The following ERBIN variants were observed in gnomAD, a reference collection of about 807,000 sequenced individuals.
ERBIN encodes the protein erbb2 interacting protein.
Under a neutral mutation model 158.4 loss-of-function variants are expected in ERBIN, and 60 were observed. That is an observed-to-expected ratio of 0.38 (90% confidence interval 0.31 to 0.47). ERBIN has a LOEUF of 0.47. Among genes scored for constraint, ERBIN ranks in the 20% least tolerant of loss-of-function variants. ERBIN has a pLI of 0.99. For synonymous variants in ERBIN, 594 were observed against 557.2 expected (o/e 1.07, Z -0.93); for missense variants, 1,610 against 1,648.0 (o/e 0.98, Z 0.40).
At chr5:66,047,760 T>C (rs961414813) in intron 18 of ERBIN, among the ~76,000 whole-genome samples, 5 of 152,134 alleles carry the variant, frequency 3.3e-5, no homozygotes, top group Admixed American at 1.3e-4. Flanking sequence ...TATCACTCAA[T>C]ACGCTATGGT....
Position 66,025,872 on chromosome 5 carries a change from T to A in ERBIN, c.915T>A (p.Asp305Glu). The A allele has an allele frequency of 7.7e-6, 12 of 1,555,532 alleles. No homozygotes were observed. The highest frequency in any genetic ancestry group is 1.0e-5 in the Non-Finnish European group (12 of 1,144,510). Residue 305 changes from aspartate to glutamate, a missense_variant, in exon 12 of 26, where the codon GAT becomes GAA. Physicochemically the swap from Asp to Glu is conservative, Grantham distance 45 (BLOSUM62 2). Coordinates refer to ENST00000284037, the MANE Select transcript of ERBIN (RefSeq NM_001253697.2). Reference sequence around the variant, plus strand: ...GGTTAATATCAGTAGAAGAACTGGATTGTAGTTTCAATGAAGTTGAAGCTT... The same window carrying A: ...GGTTAATATCAGTAGAAGAACTGGAATGTAGTTTCAATGAAGTTGAAGCTT... The part of the protein sequence containing the change: ...IGGLISVEEL[D>E]CSFNEVEALP...
chr5:65,948,222 C>A (rs1746036865), intron 1 of ERBIN, among the ~76,000 whole-genome samples: 1 of 151,814 alleles, frequency 6.6e-6, no homozygotes, highest in Non-Finnish European at 1.5e-5. Flanking sequence ...TGCTCTGTGT[C>A]CCAGGCTGGA....
At chr5:65,954,150 A>G (rs183460320) in intron 1 of ERBIN, among the ~76,000 whole-genome samples, 107 of 152,240 alleles carry the variant, frequency 7.0e-4, no homozygotes, top group African/African-American at 2.6e-3. Flanking sequence ...TTGAGACGAT[A>G]TATTAAAAGC....
rs1299114224 is a variant in ERBIN, at chr5:66,079,212, A to G, written c.*682A>G. ...GTCTTTTTTATAAAGCAAAAAAGAC[A>G]ATAATTGCATTTATGAGCTCGGCAG... On this transcript the variant is annotated 3_prime_UTR_variant, in exon 26 of 26. Coordinates refer to ENST00000284037, the MANE Select transcript of ERBIN (RefSeq NM_001253697.2). The G allele has an allele frequency of 6.5e-6, 1 of 152,680 alleles. No homozygotes were observed. The highest frequency in any genetic ancestry group is 2.4e-5 in the African/African-American group (1 of 41,470). 9.5% of individuals were successfully genotyped at this position (152,680 alleles called of 1,614,324 possible). A position where few individuals can be genotyped will look rare whatever the true frequency, so the allele number is the denominator to read the frequency against.
chr5:66,027,963 T>C (rs1756456471), intron 13 of ERBIN, among the ~76,000 whole-genome samples: 1 of 152,108 alleles, frequency 6.6e-6, no homozygotes, highest in Non-Finnish European at 1.5e-5. Flanking sequence ...CATTCCTTAA[T>C]GTGTTCTTTT....
At chr5:66,051,949 A>G (rs1308901708) in intron 20 of ERBIN, among the ~76,000 whole-genome samples, 1 of 151,718 alleles carries the variant, frequency 6.6e-6, no homozygotes, top group Non-Finnish European at 1.5e-5. Flanking sequence ...GAATGCCTGT[A>G]ATCCGAGCAC....
intron 21 of ERBIN, among the ~76,000 whole-genome samples, chr5:66,056,380 A>T (rs1220810269): frequency 6.6e-6 from 1 of 152,110 alleles, no homozygotes; most frequent in African/African-American, 2.4e-5. Flanking sequence ...GACATAGAGG[A>T]GGAGTAGGAG....
Position 66,054,145 on chromosome 5 carries a change from A to G in ERBIN, c.2827A>G (p.Ile943Val), listed in dbSNP as rs749564314. Residue 943 changes from isoleucine (I) to valine (V), a missense_variant, in exon 21 of 26, where the codon ATT (isoleucine) becomes GTT (valine). Coordinates refer to ENST00000284037, the MANE Select transcript of ERBIN (RefSeq NM_001253697.2). ...SSDLISGTKA[I>V]FKFDSNHNPE... is the part of the protein sequence containing the mutation. Reference sequence around the variant, plus strand: ...TGATTTAATATCAGGAACAAAGGCAATTTTCAAGTTTGATTCAAATCATAA... The same window carrying G: ...TGATTTAATATCAGGAACAAAGGCAGTTTTCAAGTTTGATTCAAATCATAA... 9.9e-6 allele frequency: 16 copies of G among 1,614,138 alleles called. No individual in the cohort carries two copies. The East Asian group carries it at 2.5e-4, about 25-fold the overall frequency.
intron 1 of ERBIN, among the ~76,000 whole-genome samples, chr5:65,939,885 C>T (rs1744613783): frequency 6.6e-6 from 1 of 151,728 alleles, no homozygotes; most frequent in Admixed American, 6.6e-5. Flanking sequence ...GTGGCGTGAT[C>T]TCGGCTCGCT....
intron 10 of ERBIN, among the ~76,000 whole-genome samples, chr5:66,025,086 T>C (rs1756093956): frequency 6.6e-6 from 1 of 152,124 alleles, no homozygotes; most frequent in Non-Finnish European, 1.5e-5. Flanking sequence ...GAATAGTTTT[T>C]TATATACCTG....
chr5:65,929,610 C>T (rs77961362), intron 1 of ERBIN, among the ~76,000 whole-genome samples: 1,668 of 151,264 alleles, frequency 0.011, 25 homozygotes, highest in African/African-American at 0.037. Context: ...CTATTATAAA[C>T]CTCTAAAGAT....
At chr5:66,012,300 T>C (rs1754289227) in intron 5 of ERBIN, among the ~76,000 whole-genome samples, 173 bp downstream of exon 5, 1 of 152,208 alleles carries the variant, frequency 6.6e-6, no homozygotes, top group Non-Finnish European at 1.5e-5. Flanking sequence ...CCCCATGTAC[T>C]ACTGAGGTAA....
chr5:66,046,681 ACT>A, intron 18 of ERBIN, 143 bp downstream of exon 18: 1 of 625,878 alleles, frequency 1.6e-6, no homozygotes, highest in Non-Finnish European at 2.6e-6. Flanking sequence ...CAAAAATATC[ACT>A]CACTTGTCAC....
At chr5:65,971,697 G>GTCCATATGGTAGAAGGCGGCAGC (rs1395491173) in intron 1 of ERBIN, among the ~76,000 whole-genome samples, 1 of 152,096 alleles carries the variant, frequency 6.6e-6, no homozygotes, top group African/African-American at 2.4e-5. Context: ...CTCTTTCTAT[G>GTCCATATGGTAGAAGGCGGCAGC]TCCATATGGT....
chr5:66,043,045 ATAG>A, intron 15 of ERBIN, 29 bp from the exon 16 acceptor site: 7 of 1,482,992 alleles, frequency 4.7e-6, no homozygotes, highest in Non-Finnish European at 6.5e-6. Context: ...ACAGTAAAAT[ATAG>A]TAGGTTTTTG....
chr5:65,995,255 C>T (rs1388704570), intron 4 of ERBIN, among the ~76,000 whole-genome samples: 1 of 152,084 alleles, frequency 6.6e-6, no homozygotes, highest in East Asian at 1.9e-4. Context: ...ATCTTATACC[C>T]TTTGAACAAC....
chr5:66,046,988 C>T (rs920072770), intron 18 of ERBIN, among the ~76,000 whole-genome samples: 1 of 152,072 alleles, frequency 6.6e-6, no homozygotes, highest in African/African-American at 2.4e-5. Context: ...ACTCACATAT[C>T]ATACAAATCA....
rs1051655026 is a variant in ERBIN, at chr5:65,957,865, C to A, written c.-57-30770C>A. Reference sequence around the variant, plus strand: ...GGGGCTCCTCACTTCTCAGACGGGGCGGCTGCCGGGCGGAGGCACTCCTCA... The same window carrying A: ...GGGGCTCCTCACTTCTCAGACGGGGAGGCTGCCGGGCGGAGGCACTCCTCA... On this transcript the variant is annotated intron_variant, in intron 1 of 25. Transcript: ENST00000284037. Among the ~76,000 whole-genome samples, 6 of 148,108 alleles carry A rather than the reference C, an allele frequency of 4.1e-5. 1 individual carries two copies. The highest frequency in any genetic ancestry group is 3.4e-4 in the Admixed American group (5 of 14,902).
At chr5:66,054,979 T>A in intron 21 of ERBIN, 28 bp downstream of exon 21, 1 of 1,519,010 alleles carries the variant, frequency 6.6e-7, no homozygotes. Context: ...TTTCATTATT[T>A]TCTTTATGAA....
Sources: allele counts gnomAD v4.1 joint callset (sites outside exome capture counted in the v4.1 genomes callset), GRCh38; gene constraint gnomAD v4.1.1; transcripts MANE v1.5; gene names NCBI Gene and HGNC (gene_info 2026-07-23, HGNC 2026-07-21).